Variants in PTPRD observed in about 807,000 individuals in gnomAD.
PTPRD encodes the protein protein tyrosine phosphatase receptor type D.
A neutral mutation model predicts 214.5 loss-of-function variants in PTPRD; 34 were observed. The observed-to-expected ratio is 0.16, with a 90% CI of 0.12 to 0.21. The LOEUF (loss-of-function observed/expected upper bound fraction) is 0.21, where lower values mean the gene tolerates loss of function less well. Ranked by LOEUF, PTPRD falls within the 10% of genes least tolerant of loss-of-function variation. PTPRD has a pLI of 1.00. For missense variants in PTPRD, 2,545 were observed against 2,398.7 expected, an observed-to-expected ratio of 1.06 and a Z score of -1.27; for synonymous variants, 1,128 against 845.7, an observed-to-expected ratio of 1.33 and a Z score of -5.79.
intron 11 of PTPRD, among the ~76,000 whole-genome samples, chr9:8,895,636 G>A (rs747740683): frequency 5.9e-5 from 9 of 152,056 alleles, no homozygotes; most frequent in African/African-American, 1.2e-4. Flanking sequence ...CCCTGCATTC[G>A]CTTTTTAATG....
At chr9:9,397,130 A>G (rs1177873423) in intron 9 of PTPRD, among the ~76,000 whole-genome samples, 1 of 152,024 alleles carries the variant, frequency 6.6e-6, no homozygotes, top group Non-Finnish European at 1.5e-5. Flanking sequence ...TCTAAAAACT[A>G]TAAAGTATTT....
At chr9:9,302,590 GT>G (rs761833535) in intron 9 of PTPRD, among the ~76,000 whole-genome samples, 37 of 84,630 alleles carry the variant, frequency 4.4e-4, no homozygotes, top group East Asian at 2.2e-3. Flanking sequence ...ATGTTTTGTA[GT>G]TTTTTTTTTC....
chr9:9,447,869 A>G (rs2090968020), intron 8 of PTPRD, among the ~76,000 whole-genome samples: 1 of 152,108 alleles, frequency 6.6e-6, no homozygotes. Flanking sequence ...AAAAAGCAGC[A>G]AAAGAGGTCA....
intron 4 of PTPRD, among the ~76,000 whole-genome samples, chr9:9,949,592 A>C (rs1005384227): frequency 3.3e-5 from 5 of 152,158 alleles, no homozygotes; most frequent in African/African-American, 1.2e-4. Flanking sequence ...GACCTAGGTT[A>C]AGCCAATCAC....
chr9:8,988,950 A>T (rs1209486907), intron 11 of PTPRD, among the ~76,000 whole-genome samples: 1 of 152,086 alleles, frequency 6.6e-6, no homozygotes, highest in African/African-American at 2.4e-5. Context: ...GGAAAGCTAG[A>T]TTCAGTTTAT....
intron 12 of PTPRD, among the ~76,000 whole-genome samples, chr9:8,645,338 T>G (rs2096664259): frequency 6.6e-6 from 1 of 152,224 alleles, no homozygotes; most frequent in African/African-American, 2.4e-5. Flanking sequence ...AAATTCCAAG[T>G]TTAGCATGGT....
chr9:8,761,998 G>A (rs191074771), intron 11 of PTPRD, among the ~76,000 whole-genome samples: 1 of 151,986 alleles, frequency 6.6e-6, no homozygotes, highest in Non-Finnish European at 1.5e-5. Flanking sequence ...GCCCAATTTA[G>A]GTACATTAAA....
At chr9:8,765,020 CAGA>C (rs2094625085) in intron 11 of PTPRD, among the ~76,000 whole-genome samples, 1 of 151,958 alleles carries the variant, frequency 6.6e-6, no homozygotes, top group African/African-American at 2.4e-5. Context: ...CTATTAATTC[CAGA>C]AGTTTATTTC....
intron 12 of PTPRD, among the ~76,000 whole-genome samples, chr9:8,642,953 C>T (rs554319113): frequency 6.6e-6 from 1 of 152,066 alleles, no homozygotes; most frequent in East Asian, 1.9e-4. Context: ...AAGCATGGCA[C>T]AGATACCACC....
chr9:9,121,273 T>A (rs2099817350), intron 10 of PTPRD, among the ~76,000 whole-genome samples: 2 of 152,188 alleles, frequency 1.3e-5, no homozygotes, highest in African/African-American at 4.8e-5. Flanking sequence ...GGAGATTCCT[T>A]GAAGAACTAA....
At chr9:10,556,984 G>A (rs186392434) in intron 2 of PTPRD, among the ~76,000 whole-genome samples, 3 of 152,044 alleles carry the variant, frequency 2.0e-5, no homozygotes, top group Admixed American at 6.6e-5. Flanking sequence ...ATGAAATTAC[G>A]GATATACCAG....
At chr9:10,363,632 A>T (rs181268608) in intron 2 of PTPRD, among the ~76,000 whole-genome samples, 1 of 152,352 alleles carries the variant, frequency 6.6e-6, no homozygotes, top group African/African-American at 2.4e-5. Flanking sequence ...AAAAGGCAAG[A>T]TATCTTACAG....
At chr9:8,583,724 T>C (rs1053151906) in intron 14 of PTPRD, among the ~76,000 whole-genome samples, 1 of 152,128 alleles carries the variant, frequency 6.6e-6, no homozygotes, top group African/African-American at 2.4e-5. Flanking sequence ...AGGATGGAAA[T>C]GGGGAAGAAG....
At chr9:10,120,908 GAAA>G (rs1563943675) in intron 3 of PTPRD, among the ~76,000 whole-genome samples, 1 of 149,376 alleles carries the variant, frequency 6.7e-6, no homozygotes, top group Non-Finnish European at 1.5e-5. Flanking sequence ...AAAAAGAAAA[GAAA>G]AAATAGACAA....
chr9:8,786,033 T>TTGTGTGTGTGTGTGTG (rs34200290), intron 11 of PTPRD, among the ~76,000 whole-genome samples: 1 of 143,224 alleles, frequency 7.0e-6, no homozygotes, highest in East Asian at 2.2e-4. Context: ...GCTTAATTTG[T>TTGTGTGTGTGTGTGTG]TGTGTGTGTG....
At chr9:9,903,545 A>G (rs1188010695) in intron 5 of PTPRD, among the ~76,000 whole-genome samples, 5 of 152,142 alleles carry the variant, frequency 3.3e-5, no homozygotes. Flanking sequence ...CTTACTTTAC[A>G]TTTCCAGCAT....
intron 12 of PTPRD, among the ~76,000 whole-genome samples, chr9:8,683,177 A>G (rs1157611866): frequency 1.3e-5 from 2 of 152,182 alleles, no homozygotes; most frequent in Non-Finnish European, 2.9e-5. Context: ...TGCCACACAC[A>G]AAGCTGTATT....
intron 11 of PTPRD, among the ~76,000 whole-genome samples, chr9:8,819,333 A>AACTT (rs1216939405): frequency 2.0e-5 from 3 of 152,080 alleles, no homozygotes; most frequent in African/African-American, 7.2e-5. Flanking sequence ...TTCATATATT[A>AACTT]ACTTATATTT....
chr9:10,197,028 A>C (rs184593416), intron 3 of PTPRD, among the ~76,000 whole-genome samples: 17 of 152,262 alleles, frequency 1.1e-4, no homozygotes, highest in African/African-American at 4.1e-4. Context: ...ACTCTGAGAA[A>C]TAAATTTCTG....
Sources: gnomAD v4.1 joint callset for allele counts (sites outside exome capture counted in the v4.1 genomes callset) on GRCh38, gnomAD v4.1.1 for gene constraint, MANE v1.5 for transcripts, NCBI Gene and HGNC (gene_info 2026-07-23, HGNC 2026-07-21) for gene names.